Variants in C2CD3 observed in about 807,000 individuals in gnomAD.
The protein encoded by C2CD3 is C2 domain-containing protein 3.
A neutral mutation model predicts 234.0 loss-of-function variants in C2CD3; 148 were observed. The observed-to-expected ratio is 0.63, with a 90% CI of 0.55 to 0.72. The LOEUF (loss-of-function observed/expected upper bound fraction) is 0.72. Among genes scored for constraint, C2CD3 ranks in the 30% least tolerant of loss-of-function variants. The probability of loss-of-function intolerance (pLI) is 0.00; values close to 1 mark genes in which losing one functional copy is unlikely to be tolerated. For missense variants in C2CD3, 2,577 were observed against 2,811.5 expected, an observed-to-expected ratio of 0.92 and a Z score of 1.89; for synonymous variants, 1,000 against 1,035.4, an observed-to-expected ratio of 0.97 and a Z score of 0.66.
intron 8 of C2CD3, among the ~76,000 whole-genome samples, chr11:74,119,431 G>C (rs1014424989): frequency 1.3e-5 from 2 of 152,012 alleles, no homozygotes; most frequent in Non-Finnish European, 2.9e-5. Flanking sequence ...TGGCATTATA[G>C]TTACTGGGTT....
chr11:74,067,201 G>C (rs750630007), intron 24 of C2CD3, among the ~76,000 whole-genome samples: 2 of 152,086 alleles, frequency 1.3e-5, no homozygotes, highest in Non-Finnish European at 2.9e-5. Context: ...TGGGTGATGG[G>C]AAGAGAAAAG....
chr11:74,037,116 A>G (rs1159750670), intron 30 of C2CD3, among the ~76,000 whole-genome samples: 1 of 152,190 alleles, frequency 6.6e-6, no homozygotes, highest in Admixed American at 6.5e-5. Context: ...AGAGTGGCAC[A>G]AGTTCAAGAA....
chr11:74,024,170 A>G (rs191108485), intron 32 of C2CD3, among the ~76,000 whole-genome samples: 1 of 152,370 alleles, frequency 6.6e-6, no homozygotes, highest in East Asian at 1.9e-4. Context: ...AATAAAGGTC[A>G]TGTTACATCC....
chr11:74,168,579 TG>T lies in C2CD3; in HGVS notation c.89del (p.Pro30HisfsTer12). 1 of 1,614,166 alleles carries T rather than the reference TG, an allele frequency of 6.2e-7. No homozygotes were observed. Among genetic ancestry groups the T allele is most frequent in the Non-Finnish European group, 8.5e-7 (1 of 1,179,990 alleles). On this transcript the variant is annotated frameshift_variant, in exon 2 of 33. Transcript: ENST00000334126. LOFTEE classifies it high-confidence loss of function. The stretch of plus-strand genomic sequence containing the variant: ...AGCGTAGCTGGCCTTCAACCAGAGG[TG>T]GCAGGCTTGTAGATGGAGAAATGTC... The part of the protein sequence containing the change: ...LSDISPSTSL[P>X]PLVEGQLRCF...
Position 74,138,769 on chromosome 11 carries a change from G to A in C2CD3, c.906C>T (p.Asp302=), listed in dbSNP as rs767853634. ...QIRTVAKSHS[D]SCILSSNNLP... ...GGTTGTTTGAAGAAAGAATGCATGAGTCACTGTGACTCTTGGCAACTGTTC... is the reference window on the plus strand; with the variant it reads ...GGTTGTTTGAAGAAAGAATGCATGAATCACTGTGACTCTTGGCAACTGTTC... The change falls in exon 5 of 33, where the codon GAC becomes GAT. Residue 302 remains aspartate, a synonymous_variant. Transcript: ENST00000334126. The A allele has an allele frequency of 6.2e-6, 10 of 1,612,616 alleles. No individual in the cohort carries two copies. The highest frequency in any genetic ancestry group is 1.1e-5 in the South Asian group (1 of 91,050).
chr11:74,016,953 G>A (rs1284868007), intron 32 of C2CD3, among the ~76,000 whole-genome samples: 1 of 152,180 alleles, frequency 6.6e-6, no homozygotes, highest in African/African-American at 2.4e-5. Context: ...TGTCATCCAT[G>A]GGGTGAAGTC....
At chr11:74,080,709 T>C (rs1302857235) in intron 22 of C2CD3, among the ~76,000 whole-genome samples, 1 of 152,202 alleles carries the variant, frequency 6.6e-6, no homozygotes, top group Non-Finnish European at 1.5e-5. Context: ...AGAGATGTGA[T>C]TTCCCAGATG....
chr11:74,170,654 C>G (rs1314552572), intron 1 of C2CD3, 84 bp downstream of exon 1: 16 of 1,490,282 alleles, frequency 1.1e-5, no homozygotes, highest in Non-Finnish European at 1.5e-5. Context: ...TCTTGTTTAT[C>G]CAGCGGGGGT....
chr11:74,038,893 C>T (rs969144318), intron 29 of C2CD3, among the ~76,000 whole-genome samples: 2 of 152,222 alleles, frequency 1.3e-5, no homozygotes, highest in African/African-American at 2.4e-5. Flanking sequence ...TTCCTTAGTA[C>T]ACTCAATGTG....
chr11:74,170,831 T>G lies in C2CD3; in HGVS notation c.-39A>C. On this transcript the variant is annotated 5_prime_UTR_variant, in exon 1 of 33. Coordinates refer to ENST00000334126, the MANE Select transcript of C2CD3 (RefSeq NM_001286577.2). ...TCTTCTTCACCAGCTCAACTCCGTC[T>G]CCAGCACCTAAGCAGTATCCTCCCG... is the stretch of plus-strand genomic sequence containing the variant. 1 of 1,612,728 alleles carries G rather than the reference T, an allele frequency of 6.2e-7. No homozygotes were observed. The highest frequency in any genetic ancestry group is 8.5e-7 in the Non-Finnish European group (1 of 1,179,332).
intron 22 of C2CD3, among the ~76,000 whole-genome samples, chr11:74,083,164 G>C (rs374135392): frequency 8.8e-4 from 134 of 152,090 alleles, no homozygotes; most frequent in African/African-American, 3.1e-3. Flanking sequence ...TGATCTTTGA[G>C]AAACCTGACA....
intron 2 of C2CD3, among the ~76,000 whole-genome samples, chr11:74,165,757 G>A (rs751059298): frequency 6.6e-6 from 1 of 152,064 alleles, no homozygotes; most frequent in Non-Finnish European, 1.5e-5. Flanking sequence ...GGGCTCAAGT[G>A]ATTTCTCTCA....
chr11:74,074,347 A>G lies in C2CD3; in HGVS notation c.4857T>C (p.Ala1619=). Residue 1619 remains alanine (A), a synonymous_variant, in exon 24 of 33, where the codon GCT becomes GCC. Coordinates refer to ENST00000334126, the MANE Select transcript of C2CD3 (RefSeq NM_001286577.2). ...GGCCCTCCTGCGTCAGGCGGACTTC[A>G]GCTGTGGTGCTGCTGCAGGGGACCT... is the stretch of plus-strand genomic sequence containing the variant. The part of the protein sequence containing the change: ...STQVPCSSTT[A]EVRLTQEGPA... The G allele has an allele frequency of 1.2e-6, 2 of 1,614,226 alleles. No individual in the cohort carries two copies. Among genetic ancestry groups the G allele is most frequent in the South Asian group, 1.1e-5 (1 of 91,090 alleles).
At chr11:74,071,429 G>A (rs751516379) in intron 24 of C2CD3, among the ~76,000 whole-genome samples, 6 of 152,214 alleles carry the variant, frequency 3.9e-5, no homozygotes, top group Non-Finnish European at 8.8e-5. Context: ...TGAGCATAGA[G>A]TGTAGACCTA....
At chr11:74,033,257 G>T in intron 31 of C2CD3, 94 bp downstream of exon 31, 2 of 1,011,616 alleles carry the variant, frequency 2.0e-6, no homozygotes, top group Non-Finnish European at 2.9e-6. Context: ...ATGCCCCCTA[G>T]TGCATTCCAT....
chr11:74,128,279 T>C (rs1419196070), intron 7 of C2CD3, among the ~76,000 whole-genome samples: 2 of 152,236 alleles, frequency 1.3e-5, no homozygotes, highest in Non-Finnish European at 2.9e-5. Context: ...TTATATGTTC[T>C]ATATATAAGT....
chr11:74,163,257 C>T (rs1345285568), intron 2 of C2CD3, among the ~76,000 whole-genome samples: 4 of 152,162 alleles, frequency 2.6e-5, no homozygotes, highest in African/African-American at 9.7e-5. Flanking sequence ...TCATAATATT[C>T]GCATCACTGC....
intron 7 of C2CD3, among the ~76,000 whole-genome samples, chr11:74,128,259 T>C (rs544024758): frequency 6.6e-6 from 1 of 152,232 alleles, no homozygotes; most frequent in Non-Finnish European, 1.5e-5. Context: ...TATTAAGTCA[T>C]ATAAGTTATT....
intron 3 of C2CD3, among the ~76,000 whole-genome samples, chr11:74,147,447 C>T (rs2135553080): frequency 6.6e-6 from 1 of 152,268 alleles, no homozygotes; most frequent in East Asian, 1.9e-4. Flanking sequence ...ACAACAACGA[C>T]AACACCCCTG....
Sources: gnomAD v4.1 joint callset for allele counts (sites outside exome capture counted in the v4.1 genomes callset) on GRCh38, gnomAD v4.1.1 for gene constraint, MANE v1.5 for transcripts, NCBI Gene and HGNC (gene_info 2026-07-23, HGNC 2026-07-21) for gene names.